The following KY variants were observed in gnomAD, a reference collection of about 807,000 sequenced individuals.
KY encodes kyphoscoliosis peptidase.
In KY, 43 loss-of-function variants were observed where a neutral mutation model predicts 76.1. That is an observed-to-expected ratio of 0.57 (90% CI 0.44 to 0.73). KY has a LOEUF of 0.73. Ranked by LOEUF, KY falls within the 30% of genes least tolerant of loss-of-function variation. The pLI is 0.00. For missense variants in KY, 722 were observed against 828.9 expected (o/e 0.87, Z 1.58); for synonymous variants, 277 against 326.2 (o/e 0.85, Z 1.63).
At chr3:134,616,102 G>A (rs1180687461) in intron 8 of KY, among the ~76,000 whole-genome samples, 3 of 152,234 alleles carry the variant, frequency 2.0e-5, no homozygotes, top group South Asian at 2.1e-4. Flanking sequence ...TGGCTCCTGC[G>A]AGGAAATTAG....
Position 134,610,387 on chromosome 3 carries a change from G to A in KY, c.711-4C>T. 6.2e-7 allele frequency: 1 copy of A among 1,609,662 alleles called. No individual in the cohort carries two copies. The highest frequency in any genetic ancestry group is 8.5e-7 in the Non-Finnish European group (1 of 1,177,794). On this transcript the variant is annotated splice_region_variant and splice_polypyrimidine_tract_variant and intron_variant, in intron 8 of 10. Transcript: ENST00000423778. ...CATACACTGCACTCCGGCGAGCCTG[G>A]GGGCAGGACAGGGGGTCTGAGAGGG...
intron 9 of KY, among the ~76,000 whole-genome samples, chr3:134,609,292 G>A (rs1959879668): frequency 6.6e-6 from 1 of 152,202 alleles, no homozygotes; most frequent in Admixed American, 6.5e-5. Flanking sequence ...GCCGACTGGA[G>A]TGCTGCCTCT....
chr3:134,610,628 CTCCCCT>C, intron 8 of KY: 1 of 465,802 alleles, frequency 2.1e-6, no homozygotes, highest in South Asian at 3.4e-5. Context: ...CTGTCTGCTC[CTCCCCT>C]GAGACCAACA....
chr3:134,627,943 C>T (rs1963688700), intron 4 of KY, 125 bp from the exon 5 acceptor site: 2 of 737,784 alleles, frequency 2.7e-6, no homozygotes, highest in African/African-American at 3.5e-5. Flanking sequence ...TTCACAGTCT[C>T]CTTGTTCCCA....
Position 134,608,636 on chromosome 3 carries a change from G to T in KY, c.1090+13C>A. On this transcript the variant is annotated intron_variant, in intron 10 of 10. Transcript: ENST00000423778. ...TCCTGCTGCTAGCACACTGGCACCT[G>T]CTCCGGGCTCACCTGTTCTGATCAT... is the stretch of plus-strand genomic sequence containing the variant. The T allele has an allele frequency of 6.2e-7, 1 of 1,614,002 alleles. No homozygotes were observed.
intron 6 of KY, 100 bp downstream of exon 6, chr3:134,624,953 C>A: frequency 9.5e-7 from 1 of 1,053,330 alleles, no homozygotes; most frequent in Non-Finnish European, 1.4e-6. Context: ...AACCAAGCCA[C>A]TCAGGATATG....
chr3:134,609,125 A>G (rs774698906), intron 9 of KY, among the ~76,000 whole-genome samples: 1 of 152,250 alleles, frequency 6.6e-6, no homozygotes, highest in East Asian at 1.9e-4. Context: ...AAAGACAATC[A>G]GAAGTTCAAA....
Position 134,603,340 on chromosome 3 carries a change from A to G in KY, c.*239T>C, listed in dbSNP as rs1959051335. ...AGTTTACAATACCTTAGATTTACAT[A>G]GCACCTTTTCCTTCTAAAGAGCCAC... On this transcript the variant is annotated 3_prime_UTR_variant, in exon 11 of 11. Transcript: ENST00000423778. 2 of 448,724 alleles carry G rather than the reference A, an allele frequency of 4.5e-6. No individual in the cohort carries two copies. Among genetic ancestry groups the G allele is most frequent in the African/African-American group, 2.0e-5 (1 of 50,410 alleles). The allele number at this position is 448,724 out of a possible 1,614,324, so 27.8% of individuals were successfully genotyped here.
chr3:134,612,085 A>C (rs1179991104), intron 8 of KY, among the ~76,000 whole-genome samples: 1 of 152,174 alleles, frequency 6.6e-6, no homozygotes, highest in East Asian at 1.9e-4. Context: ...TCACCTGTGG[A>C]AAGTCCGGGC....
intron 3 of KY, among the ~76,000 whole-genome samples, chr3:134,632,890 C>T (rs982846350): frequency 2.6e-5 from 4 of 151,882 alleles, no homozygotes; most frequent in Non-Finnish European, 5.9e-5. Flanking sequence ...AGACACAAAT[C>T]AGGGGTAAAT....
chr3:134,619,927 A>C (rs376609005), intron 7 of KY: 1 of 152,544 alleles, frequency 6.6e-6, no homozygotes, highest in East Asian at 1.9e-4. Context: ...GGGTCTCTCA[A>C]GTCCTCAGTT....
chr3:134,625,113 G>T lies in KY; in HGVS notation c.423C>A (p.Ser141Arg). 6.2e-7 allele frequency: 1 copy of T among 1,601,054 alleles called. No individual in the cohort carries two copies. ...DAHAYPWDRS[S>R]LKSMSLDLQQ... Reference sequence around the variant, plus strand: ...GCAGGTCCAGGGACATGGATTTCAGGCTAGATCGATCCCAGGGGTAGGCTG... The same window carrying T: ...GCAGGTCCAGGGACATGGATTTCAGTCTAGATCGATCCCAGGGGTAGGCTG... The change falls in exon 6 of 11, where the codon AGC (serine) becomes AGA (arginine). Residue 141 changes from serine (S) to arginine (R), a missense_variant. Around this residue, in one of 2 missense-constraint regions of KY, gnomAD observed 552 missense variants for 680.9 expected, o/e 0.81. Transcript: ENST00000423778.
chr3:134,614,375 T>C (rs1961106481), intron 8 of KY, among the ~76,000 whole-genome samples: 1 of 152,106 alleles, frequency 6.6e-6, no homozygotes, highest in South Asian at 2.1e-4. Context: ...TCATGGCTGA[T>C]ATATATCCCA....
chr3:134,626,738 T>C (rs1196667249), intron 5 of KY, among the ~76,000 whole-genome samples: 1 of 152,190 alleles, frequency 6.6e-6, no homozygotes, highest in Non-Finnish European at 1.5e-5. Flanking sequence ...TGCCCACTTA[T>C]TGGGGAGCTG....
chr3:134,626,646 T>C (rs1294051011), intron 5 of KY, among the ~76,000 whole-genome samples: 3 of 152,048 alleles, frequency 2.0e-5, no homozygotes, highest in Non-Finnish European at 4.4e-5. Flanking sequence ...GGGGAGAAGG[T>C]GGGGAGGGGT....
At position 134,643,887 on chromosome 3, in the gene KY, C is replaced by T. The variant is rs141154990; in HGVS notation, c.200-509G>A. Among the ~76,000 whole-genome samples, 287 of 148,050 alleles carry T rather than the reference C, an allele frequency of 1.9e-3. 7 individuals are homozygous for T. The East Asian group carries it at 0.044, about 23-fold the overall frequency. On this transcript the variant is annotated intron_variant, in intron 2 of 10. Coordinates refer to ENST00000423778, the MANE Select transcript of KY (RefSeq NM_178554.6). ...TGTCACCCAGGGTGAAGTGCAGTGG[C>T]GCGATCTCTGCTCACTGCAAGCTCC... is the stretch of plus-strand genomic sequence containing the variant.
At chr3:134,609,633 C>T (rs955968519) in intron 9 of KY, among the ~76,000 whole-genome samples, 8 of 152,184 alleles carry the variant, frequency 5.3e-5, no homozygotes, top group African/African-American at 1.9e-4. Flanking sequence ...CCCCAGAGGA[C>T]AGAAATGCTC....
chr3:134,623,645 C>T (rs1963000089), intron 6 of KY, among the ~76,000 whole-genome samples: 2 of 151,964 alleles, frequency 1.3e-5, no homozygotes, highest in Middle Eastern at 3.4e-3. Flanking sequence ...TCCTCACTCC[C>T]CACTACTCAC....
At chr3:134,609,430 G>A (rs777126374) in intron 9 of KY, among the ~76,000 whole-genome samples, 1 of 152,168 alleles carries the variant, frequency 6.6e-6, no homozygotes, top group East Asian at 1.9e-4. Context: ...GTGAGTACGC[G>A]AGCCCTGCGT....
Sources: allele counts gnomAD v4.1 joint callset (sites outside exome capture counted in the v4.1 genomes callset), GRCh38; gene constraint gnomAD v4.1.1; regional missense constraint gnomAD v4.1.1; transcripts MANE v1.5; gene names NCBI Gene and HGNC (gene_info 2026-07-23, HGNC 2026-07-21).